The following UBQLN1 variants were observed in gnomAD, a reference collection of about 807,000 sequenced individuals.
UBQLN1 encodes ubiquilin-1.
Under a neutral mutation model 65.4 loss-of-function variants are expected in UBQLN1, and 13 were observed. The observed-to-expected ratio is 0.20, with a 90% CI of 0.13 to 0.32. The LOEUF is 0.32. Ranked by LOEUF, UBQLN1 falls within the 10% of genes least tolerant of loss-of-function variation. UBQLN1 has a pLI of 1.00. For synonymous variants in UBQLN1, 267 were observed against 247.8 expected (o/e 1.08, Z -0.73); for missense variants, 561 against 724.0 (o/e 0.77, Z 2.58).
chr9:83,660,798 T>C lies in UBQLN1; in HGVS notation c.*989A>G, dbSNP rs1186028044. ...TTTAAATTTGTGTATTGCCTGTGCATGAGAAAACAGATAAACCCAAAAGAT... is the reference window on the plus strand; with the variant it reads ...TTTAAATTTGTGTATTGCCTGTGCACGAGAAAACAGATAAACCCAAAAGAT... On this transcript the variant is annotated 3_prime_UTR_variant, in exon 11 of 11. Coordinates refer to ENST00000376395, the MANE Select transcript of UBQLN1 (RefSeq NM_013438.5). 1 of 152,576 alleles carries C rather than the reference T, an allele frequency of 6.6e-6. No individual in the cohort carries two copies. The highest frequency in any genetic ancestry group is 1.5e-5 in the Non-Finnish European group (1 of 68,044). 9.5% of individuals were successfully genotyped at this position (152,576 alleles called of 1,614,324 possible). A position where few individuals can be genotyped will look rare whatever the true frequency, so the allele number is the denominator to read the frequency against.
chr9:83,704,866 G>A (rs1320275172), intron 1 of UBQLN1, among the ~76,000 whole-genome samples: 2 of 145,804 alleles, frequency 1.4e-5, no homozygotes, highest in Admixed American at 7.0e-5. Flanking sequence ...GGTTACAGCA[G>A]AGTAAAATAA....
intron 2 of UBQLN1, among the ~76,000 whole-genome samples, chr9:83,683,414 C>CA (rs766459859): frequency 0.25 from 17,454 of 70,604 alleles, 2,665 homozygotes; most frequent in East Asian, 0.68. Flanking sequence ...GACTCCGTCT[C>CA]AAAAAAAAAA....
At chr9:83,693,450 C>T (rs1233294095) in intron 1 of UBQLN1, among the ~76,000 whole-genome samples, 1 of 143,664 alleles carries the variant, frequency 7.0e-6, no homozygotes, top group East Asian at 1.9e-4. Context: ...CTTGTATCTG[C>T]CTTTTTCTTT....
At chr9:83,685,795 T>C (rs927489167) in intron 2 of UBQLN1, among the ~76,000 whole-genome samples, 1 of 152,212 alleles carries the variant, frequency 6.6e-6, no homozygotes, top group African/African-American at 2.4e-5. Flanking sequence ...CCAATGAACC[T>C]TGTAAAATAT....
At chr9:83,690,546 T>C (rs1171655705) in intron 1 of UBQLN1, among the ~76,000 whole-genome samples, 1 of 152,166 alleles carries the variant, frequency 6.6e-6, no homozygotes, top group Non-Finnish European at 1.5e-5. Context: ...TTAATAAAAA[T>C]AGTTTTAAAA....
chr9:83,661,930 G>C lies in UBQLN1; in HGVS notation c.1627C>G (p.Pro543Ala). ...LAGVNPQLQN[P>A]EVRFQQQLEQ... is the part of the protein sequence containing the mutation. ...AGTTGTTGCTGAAATCTGACTTCTG[G>C]ATTCTGTAGCTATTAAAGAAAAAAA... Residue 543 changes from proline to alanine, a missense_variant, in exon 11 of 11, where the codon CCA becomes GCA. Transcript: ENST00000376395. The C allele has an allele frequency of 6.2e-7, 1 of 1,611,052 alleles. No individual in the cohort carries two copies.
chr9:83,664,076 G>A (rs1360829829), intron 9 of UBQLN1, 33 bp from the exon 10 acceptor site: 2 of 1,585,186 alleles, frequency 1.3e-6, no homozygotes, highest in Middle Eastern at 1.7e-4. Context: ...ATATCCTAAG[G>A]TCCTGCAAAA....
intron 1 of UBQLN1, among the ~76,000 whole-genome samples, chr9:83,686,384 C>T (rs907233363): frequency 1.3e-5 from 2 of 152,020 alleles, no homozygotes; most frequent in East Asian, 3.9e-4. Flanking sequence ...AGAGTGATAT[C>T]CCGCCTCTAA....
At chr9:83,699,773 T>C (rs1278658278) in intron 1 of UBQLN1, among the ~76,000 whole-genome samples, 1 of 152,244 alleles carries the variant, frequency 6.6e-6, no homozygotes. Flanking sequence ...GGCTAGACAG[T>C]AAATATTTTT....
chr9:83,687,581 G>A (rs1055364806), intron 1 of UBQLN1, among the ~76,000 whole-genome samples: 2 of 152,080 alleles, frequency 1.3e-5, no homozygotes, highest in Non-Finnish European at 2.9e-5. Context: ...CACGATAAAC[G>A]GAAAGACATT....
At chr9:83,668,737 T>TC in intron 7 of UBQLN1, 2 of 660,296 alleles carry the variant, frequency 3.0e-6, no homozygotes, top group Non-Finnish European at 3.7e-6. Context: ...TCTGACAAAT[T>TC]CCCGTCTTTA....
At chr9:83,683,209 G>A (rs1235929720) in intron 2 of UBQLN1, 143 bp from the exon 3 acceptor site, 10 of 500,782 alleles carry the variant, frequency 2.0e-5, no homozygotes, top group South Asian at 2.0e-4. Flanking sequence ...TCAAGAGATA[G>A]AGAACATCCT....
chr9:83,693,540 T>G (rs752240365), intron 1 of UBQLN1, among the ~76,000 whole-genome samples: 1 of 152,204 alleles, frequency 6.6e-6, no homozygotes, highest in Non-Finnish European at 1.5e-5. Flanking sequence ...TTTCTATTTT[T>G]AATCTGAGGA....
At chr9:83,706,468 A>G (rs1832408717) in intron 1 of UBQLN1, among the ~76,000 whole-genome samples, 1 of 152,178 alleles carries the variant, frequency 6.6e-6, no homozygotes, top group Admixed American at 6.5e-5. Flanking sequence ...CACAAAATAC[A>G]CTACCTTTGG....
In UBQLN1 at chr9:83,661,942, A is replaced by G. The variant is rs1402853661; in HGVS notation, c.1618-3T>C. 1.2e-6 allele frequency: 2 copies of G among 1,603,388 alleles called. No individual in the cohort carries two copies. Among genetic ancestry groups the G allele is most frequent in the South Asian group, 2.2e-5 (2 of 89,272 alleles). Reference sequence around the variant, plus strand: ...AATCTGACTTCTGGATTCTGTAGCTATTAAAGAAAAAAAAAATTAATCCAA... The same window carrying G: ...AATCTGACTTCTGGATTCTGTAGCTGTTAAAGAAAAAAAAAATTAATCCAA... On this transcript the variant is annotated splice_polypyrimidine_tract_variant and splice_region_variant and intron_variant, in intron 10 of 10. Coordinates refer to ENST00000376395, the MANE Select transcript of UBQLN1 (RefSeq NM_013438.5).
At chr9:83,678,705 A>C in intron 4 of UBQLN1, 106 bp from the exon 5 acceptor site, 1 of 1,221,550 alleles carries the variant, frequency 8.2e-7, no homozygotes, top group Non-Finnish European at 1.1e-6. Flanking sequence ...ATGGGAGGCC[A>C]CTGTTTTGTT....
At chr9:83,674,180 A>C (rs1404710050) in intron 6 of UBQLN1, among the ~76,000 whole-genome samples, 5 of 139,826 alleles carry the variant, frequency 3.6e-5, no homozygotes, top group Non-Finnish European at 7.7e-5. Context: ...AAATCACTGC[A>C]GCATTAAAAA....
At chr9:83,666,136 T>C (rs1363911995) in intron 8 of UBQLN1, among the ~76,000 whole-genome samples, 2 of 152,202 alleles carry the variant, frequency 1.3e-5, no homozygotes, top group Non-Finnish European at 2.9e-5. Flanking sequence ...AAAATGTTCT[T>C]TCCTCAGAAT....
At chr9:83,694,218 C>T (rs1832172782) in intron 1 of UBQLN1, among the ~76,000 whole-genome samples, 2 of 152,212 alleles carry the variant, frequency 1.3e-5, no homozygotes, top group Admixed American at 6.5e-5. Flanking sequence ...CACACAATTT[C>T]ATTTCCCGCA....
Sources: allele counts gnomAD v4.1 joint callset (sites outside exome capture counted in the v4.1 genomes callset), GRCh38; gene constraint gnomAD v4.1.1; transcripts MANE v1.5; gene names NCBI Gene and HGNC (gene_info 2026-07-23, HGNC 2026-07-21).